CEP162: variants seen among roughly 807,000 people sequenced by gnomAD.
CEP162 encodes centrosomal protein 162, also known as centrosomal protein of 162 kDa.
In CEP162, 141 loss-of-function variants were observed where a neutral mutation model predicts 169.2. That is an observed-to-expected ratio of 0.83 (90% CI 0.73 to 0.96). The LOEUF (loss-of-function observed/expected upper bound fraction) is 0.96. Among genes scored for constraint, CEP162 ranks in the 40% least tolerant of loss-of-function variants. The pLI is 0.00. For missense variants in CEP162, 1,600 were observed against 1,587.2 expected (o/e 1.01, Z -0.14); for synonymous variants, 540 against 526.4 (o/e 1.03, Z -0.35).
chr6:84,136,879 T>C (rs2099514336), intron 25 of CEP162, among the ~76,000 whole-genome samples: 1 of 152,202 alleles, frequency 6.6e-6, no homozygotes, highest in Non-Finnish European at 1.5e-5. Context: ...TGTTCTCCCC[T>C]TGATAAAGAA....
At chr6:84,154,344 CTG>C (rs1454441669) in intron 22 of CEP162, among the ~76,000 whole-genome samples, 1 of 151,364 alleles carries the variant, frequency 6.6e-6, no homozygotes, top group Non-Finnish European at 1.5e-5. Context: ...GTCTGTCTGT[CTG>C]TCTGTCTGTC....
intron 3 of CEP162, chr6:84,219,340 C>T (rs2099552766): frequency 2.7e-6 from 1 of 376,796 alleles, no homozygotes; most frequent in Non-Finnish European, 5.3e-6. Flanking sequence ...TCTTGACTAT[C>T]CTTCTTTACT....
At position 84,171,652 on chromosome 6, in the gene CEP162, T is replaced by C; in HGVS notation, c.2233A>G (p.Met745Val). The change falls in exon 17 of 27, where the codon ATG becomes GTG. Residue 745 changes from methionine (M) to valine (V), a missense_variant. Coordinates refer to ENST00000403245, the MANE Select transcript of CEP162 (RefSeq NM_014895.4). ...QEQNKKNEER[M>V]FKENQSLFSE... Reference sequence around the variant, plus strand: ...AATAAACTTTGGTTTTCCTTAAACATTCGCTCCTCATTTTTCTTGTTTTGT... The same window carrying C: ...AATAAACTTTGGTTTTCCTTAAACACTCGCTCCTCATTTTTCTTGTTTTGT... The C allele has an allele frequency of 6.4e-7, 1 of 1,556,270 alleles. No individual in the cohort carries two copies. The highest frequency in any genetic ancestry group is 1.4e-5 in the African/African-American group (1 of 73,040).
chr6:84,156,389 A>G (rs73485311), intron 21 of CEP162, among the ~76,000 whole-genome samples: 7,313 of 152,214 alleles, frequency 0.048, 604 homozygotes, highest in African/African-American at 0.17. Context: ...TAATTAAATA[A>G]CCCCATTAAA....
chr6:84,222,441 T>G (rs1001149709), intron 2 of CEP162, among the ~76,000 whole-genome samples: 1 of 152,248 alleles, frequency 6.6e-6, no homozygotes, highest in Non-Finnish European at 1.5e-5. Context: ...ACTCTGCTCT[T>G]GATCCTTTTT....
At chr6:84,200,987 A>C in intron 8 of CEP162, 82 bp from the exon 9 acceptor site, 1 of 890,522 alleles carries the variant, frequency 1.1e-6, no homozygotes, top group Non-Finnish European at 1.8e-6. Context: ...TTTTAAACAT[A>C]TGCAATGCAG....
chr6:84,132,617 T>C (rs2129185611), intron 25 of CEP162, among the ~76,000 whole-genome samples: 1 of 152,296 alleles, frequency 6.6e-6, no homozygotes, highest in Middle Eastern at 3.4e-3. Flanking sequence ...TGATACCCTT[T>C]CTTCCACTTG....
Position 84,124,908 on chromosome 6 carries a change from T to C in CEP162, c.*162A>G. 1 of 642,900 alleles carries C rather than the reference T, an allele frequency of 1.6e-6. No individual in the cohort carries two copies. Among genetic ancestry groups the C allele is most frequent in the East Asian group, 2.8e-5 (1 of 36,048 alleles). The allele number at this position is 642,900 out of a possible 1,614,324, so 39.8% of individuals were successfully genotyped here. A position where few individuals can be genotyped will look rare whatever the true frequency, so the allele number is the denominator to read the frequency against. On this transcript the variant is annotated 3_prime_UTR_variant, in exon 27 of 27. Transcript: ENST00000403245. Reference sequence around the variant, plus strand: ...GTAAAATACACCATTATATGTTTTTTTTCTTATTGGTTAAAGGCAATTTAT... The same window carrying C: ...GTAAAATACACCATTATATGTTTTTCTTCTTATTGGTTAAAGGCAATTTAT...
intron 2 of CEP162, among the ~76,000 whole-genome samples, chr6:84,225,540 A>G (rs755325359): frequency 3.9e-5 from 6 of 152,198 alleles, no homozygotes; most frequent in Admixed American, 6.5e-5. Context: ...AGAACGTGGT[A>G]TAACCATTTA....
chr6:84,145,451 T>C (rs555505037), intron 25 of CEP162, among the ~76,000 whole-genome samples: 25 of 152,280 alleles, frequency 1.6e-4, no homozygotes, highest in African/African-American at 5.5e-4. Flanking sequence ...ATTTTTGCCA[T>C]TGGTCTTATT....
intron 11 of CEP162, among the ~76,000 whole-genome samples, chr6:84,188,215 T>G (rs9444145): frequency 0.11 from 16,510 of 151,818 alleles, 1,555 homozygotes; most frequent in African/African-American, 0.26. Flanking sequence ...AGGAATCAAA[T>G]ATTAAAGCAG....
chr6:84,146,122 C>T (rs1383894268), intron 25 of CEP162, among the ~76,000 whole-genome samples: 2 of 152,030 alleles, frequency 1.3e-5, no homozygotes, highest in African/African-American at 2.4e-5. Context: ...TCTATGTTTT[C>T]CTCTTCCTTT....
intron 17 of CEP162, among the ~76,000 whole-genome samples, chr6:84,170,405 G>C (rs909422670): frequency 1.5e-5 from 2 of 136,888 alleles, no homozygotes; most frequent in African/African-American, 2.8e-5. Flanking sequence ...AAAAAAAAGC[G>C]TAAGTAAATG....
chr6:84,210,925 G>A (rs2099549164), intron 6 of CEP162, among the ~76,000 whole-genome samples: 2 of 151,892 alleles, frequency 1.3e-5, no homozygotes, highest in Non-Finnish European at 2.9e-5. Context: ...CAAGTGGTAG[G>A]ATCAACTACT....
intron 6 of CEP162, among the ~76,000 whole-genome samples, chr6:84,209,317 A>G (rs1345881958): frequency 3.3e-5 from 5 of 152,178 alleles, no homozygotes; most frequent in South Asian, 2.1e-4. Context: ...TGCACTGTAT[A>G]TAAGTGTTAG....
chr6:84,147,631 A>AG (rs999568260), intron 24 of CEP162, among the ~76,000 whole-genome samples: 45 of 152,190 alleles, frequency 3.0e-4, no homozygotes, highest in African/African-American at 9.6e-4. Context: ...TATCAATAAA[A>AG]GGGGGGGAAA....
chr6:84,150,379 A>C (rs191261500), intron 23 of CEP162, among the ~76,000 whole-genome samples: 1 of 152,282 alleles, frequency 6.6e-6, no homozygotes, highest in African/African-American at 2.4e-5. Flanking sequence ...TGAAAATAAC[A>C]GCATTTAACT....
intron 9 of CEP162, among the ~76,000 whole-genome samples, chr6:84,198,179 T>G (rs1483130636): frequency 6.6e-6 from 1 of 152,200 alleles, no homozygotes; most frequent in Non-Finnish European, 1.5e-5. Flanking sequence ...TGAAGTGGCA[T>G]GGTAAAACAA....
At chr6:84,175,538 T>A (rs1003000328) in intron 13 of CEP162, among the ~76,000 whole-genome samples, 191 bp from the exon 14 acceptor site, 21 of 152,182 alleles carry the variant, frequency 1.4e-4, no homozygotes, top group African/African-American at 5.1e-4. Context: ...CACTCCATAA[T>A]CAACATTCTA....
Sources: allele counts gnomAD v4.1 joint callset (sites outside exome capture counted in the v4.1 genomes callset), GRCh38; gene constraint gnomAD v4.1.1; transcripts MANE v1.5; gene names NCBI Gene and HGNC (gene_info 2026-07-23, HGNC 2026-07-21).